TUSC3: variants seen among roughly 807,000 people sequenced by gnomAD.
TUSC3 encodes the protein tumor suppressor candidate 3.
Under a neutral mutation model 44.8 loss-of-function variants are expected in TUSC3, and 45 were observed. The ratio of observed to expected loss-of-function variants is 1.00; its 90% CI spans 0.79 to 1.29. TUSC3 has a LOEUF of 1.29. Ranked by LOEUF, TUSC3 falls within the 50% of genes most tolerant of loss-of-function variation. The pLI is 0.00. For synonymous variants in TUSC3, 212 were observed against 152.9 expected, an observed-to-expected ratio of 1.39 and a Z score of -2.85; for missense variants, 519 against 437.9, an observed-to-expected ratio of 1.19 and a Z score of -1.65.
the TUSC3 span, among the ~76,000 whole-genome samples, chr8:15,843,372 C>G: frequency 6.6e-6 from 1 of 151,972 alleles, no homozygotes; most frequent in Non-Finnish European, 1.5e-5. Flanking sequence ...GACACAATAC[C>G]ATGCTACATG....
chr8:15,512,768 G>A (rs1442756419), intron 2 of TUSC3, among the ~76,000 whole-genome samples: 2 of 68,204 alleles, frequency 2.9e-5, no homozygotes, highest in Non-Finnish European at 5.9e-5. Flanking sequence ...ACAAGACTCT[G>A]TTTCAGTCAA....
At chr8:15,593,601 C>G (rs59608160) in intron 1 of TUSC3, among the ~76,000 whole-genome samples, 1,711 of 152,176 alleles carry the variant, frequency 0.011, 36 homozygotes, top group African/African-American at 0.04. Context: ...TGTATTGTCA[C>G]AAAGATTAAT....
At chr8:15,799,003 C>G in the TUSC3 span, among the ~76,000 whole-genome samples, 3 of 152,140 alleles carry the variant, frequency 2.0e-5, no homozygotes, top group African/African-American at 7.2e-5. Flanking sequence ...GACCAGAATA[C>G]TAGTCAATGT....
chr8:15,542,594 C>T (rs947956962), intron 1 of TUSC3, among the ~76,000 whole-genome samples: 4 of 151,892 alleles, frequency 2.6e-5, no homozygotes, highest in African/African-American at 7.3e-5. Context: ...AAAAAGTGTA[C>T]ATGTTTACAG....
intron 2 of TUSC3, among the ~76,000 whole-genome samples, chr8:15,496,702 C>A (rs936408295): frequency 2.2e-4 from 33 of 152,140 alleles, no homozygotes; most frequent in Admixed American, 7.9e-4. Context: ...GAAGAAGCAT[C>A]TACATCACCT....
chr8:15,689,325 C>G (rs1214026127), intron 6 of TUSC3: 3 of 286,878 alleles, frequency 1.0e-5, no homozygotes, highest in African/African-American at 6.9e-5. Context: ...TCACCATCAT[C>G]ACTCCGTCAA....
At chr8:15,620,987 G>A (rs1365127786) in intron 1 of TUSC3, among the ~76,000 whole-genome samples, 2 of 143,174 alleles carry the variant, frequency 1.4e-5, no homozygotes, top group East Asian at 2.0e-4. Context: ...TGTGTGGTGT[G>A]TGTCTGTGTG....
chr8:15,529,550 A>T (rs890679806), intron 2 of TUSC3, among the ~76,000 whole-genome samples: 9 of 152,154 alleles, frequency 5.9e-5, no homozygotes, highest in Non-Finnish European at 2.9e-5. Flanking sequence ...ATTTTTAGAA[A>T]ACAGTCATTA....
intron 2 of TUSC3, among the ~76,000 whole-genome samples, chr8:15,490,599 G>A (rs1250070908): frequency 2.0e-5 from 3 of 152,188 alleles, no homozygotes; most frequent in South Asian, 2.1e-4. Flanking sequence ...CACAAAGTGT[G>A]CAGCTGCCAG....
Position 15,483,947 on chromosome 8 carries a change from G to A in TUSC3, n.189+464G>A, listed in dbSNP as rs376979655. ...GCTGGGATTACAGGCGTGAGCCACC[G>A]CGCCTGGCCTGTGATTTTTAACTAT... On this transcript the variant is annotated intron_variant and non_coding_transcript_variant, in intron 2 of 5. Coordinates refer to the TUSC3 transcript ENST00000503191. 2.5e-3 allele frequency among the ~76,000 whole-genome samples: 384 copies of A among 152,078 alleles called. 3 individuals are homozygous for A. The highest frequency in any genetic ancestry group is 8.3e-3 in the African/African-American group (346 of 41,486).
At chr8:15,575,419 G>T (rs886726149) in intron 1 of TUSC3, among the ~76,000 whole-genome samples, 2 of 152,044 alleles carry the variant, frequency 1.3e-5, no homozygotes, top group African/African-American at 2.4e-5. Context: ...TCTAACATAT[G>T]TGTGTACATT....
chr8:15,473,382 T>C (rs748607926), intron 1 of TUSC3, among the ~76,000 whole-genome samples: 1 of 152,248 alleles, frequency 6.6e-6, no homozygotes, highest in Non-Finnish European at 1.5e-5. Context: ...GTAGAATACA[T>C]GTCACTTTCC....
chr8:15,701,267 T>C (rs1809393210), intron 6 of TUSC3, among the ~76,000 whole-genome samples: 1 of 152,154 alleles, frequency 6.6e-6, no homozygotes, highest in African/African-American at 2.4e-5. Flanking sequence ...ATATCTGCCA[T>C]TCCTCATAGG....
At chr8:15,517,241 C>G (rs1801229522) in intron 2 of TUSC3, among the ~76,000 whole-genome samples, 1 of 152,018 alleles carries the variant, frequency 6.6e-6, no homozygotes, top group Admixed American at 6.6e-5. Flanking sequence ...AACTGAAGAA[C>G]AAATAATTGA....
At chr8:15,662,405 G>A in intron 5 of TUSC3, 109 bp downstream of exon 5, 2 of 1,458,884 alleles carry the variant, frequency 1.4e-6, no homozygotes, top group East Asian at 2.3e-5. Context: ...ACTTAAGTCT[G>A]AATGAGAAGT....
At chr8:15,679,746 C>A (rs1808335928) in intron 6 of TUSC3, among the ~76,000 whole-genome samples, 1 of 152,096 alleles carries the variant, frequency 6.6e-6, no homozygotes, top group African/African-American at 2.4e-5. Flanking sequence ...AGTCTTTAAT[C>A]CATCTTGAGT....
At chr8:15,610,680 G>A (rs1221153052) in intron 1 of TUSC3, among the ~76,000 whole-genome samples, 1 of 152,190 alleles carries the variant, frequency 6.6e-6, no homozygotes, top group East Asian at 1.9e-4. Flanking sequence ...GCAAATTGAA[G>A]TAAACCCCTT....
rs537785382 is a variant in TUSC3, at chr8:15,575,709, G to A, written c.138+35141G>A. On this transcript the variant is annotated intron_variant, in intron 1 of 10. Transcript: ENST00000503731. ...TTGAACCCAGGAGGTGGAGGTTGCA[G>A]TCAGCTGAGATTGTTCCACTGCACT... Among the ~76,000 whole-genome samples the A allele has an allele frequency of 2.6e-4, 40 of 152,306 alleles. No homozygotes were observed. The South Asian group carries it at 7.7e-3, about 29-fold the overall frequency.
the TUSC3 span, among the ~76,000 whole-genome samples, chr8:15,802,548 A>G: frequency 6.6e-6 from 1 of 152,072 alleles, no homozygotes; most frequent in Admixed American, 6.6e-5. Flanking sequence ...CAGCCTCCCA[A>G]CTAGCTAGGA....
Sources: gnomAD v4.1 joint callset for allele counts (sites outside exome capture counted in the v4.1 genomes callset) on GRCh38, gnomAD v4.1.1 for gene constraint, MANE v1.5 for transcripts, NCBI Gene and HGNC (gene_info 2026-07-23, HGNC 2026-07-21) for gene names.